Variants in FMN2 observed in about 807,000 individuals in gnomAD.
FMN2 encodes the protein formin-2.
FMN2 carries 51 observed loss-of-function variants against 142.3 expected under a neutral mutation model. The observed-to-expected ratio is 0.36, with a 90% confidence interval of 0.29 to 0.45. The LOEUF is 0.45. FMN2 is among the 20% of genes least tolerant of loss of function. The pLI is 1.00. For synonymous variants in FMN2, 882 were observed against 869.8 expected, an observed-to-expected ratio of 1.01 and a Z score of -0.25; for missense variants, 1,936 against 2,122.8, an observed-to-expected ratio of 0.91 and a Z score of 1.73.
chr1:240,156,820 G>C (rs1664044212), intron 2 of FMN2, among the ~76,000 whole-genome samples: 1 of 152,070 alleles, frequency 6.6e-6, no homozygotes, highest in South Asian at 2.1e-4. Context: ...TGAGGAAGTG[G>C]GATATGTTAG....
At chr1:240,313,196 G>A (rs1331748021) in intron 8 of FMN2, among the ~76,000 whole-genome samples, 1 of 152,212 alleles carries the variant, frequency 6.6e-6, no homozygotes, top group Non-Finnish European at 1.5e-5. Context: ...TGTTAGAGCA[G>A]GCCATTAGTT....
At chr1:240,315,853 T>C (rs1243780330) in intron 8 of FMN2, among the ~76,000 whole-genome samples, 1 of 152,178 alleles carries the variant, frequency 6.6e-6, no homozygotes, top group Non-Finnish European at 1.5e-5. Context: ...CCATAAACTC[T>C]TGAATGTGGA....
At chr1:240,225,505 T>C (rs1191411590) in intron 6 of FMN2, among the ~76,000 whole-genome samples, 1 of 152,166 alleles carries the variant, frequency 6.6e-6, no homozygotes, top group Non-Finnish European at 1.5e-5. Context: ...CAGAAACAGA[T>C]TTCACTGAAT....
chr1:240,419,391 T>A (rs1572288432), intron 15 of FMN2, among the ~76,000 whole-genome samples: 2 of 152,038 alleles, frequency 1.3e-5, no homozygotes, highest in South Asian at 4.1e-4. Flanking sequence ...AATTTTACTT[T>A]CAACCTTTCT....
chr1:240,285,900 C>A (rs1357205623), intron 7 of FMN2, among the ~76,000 whole-genome samples: 2 of 150,864 alleles, frequency 1.3e-5, no homozygotes, highest in Non-Finnish European at 3.0e-5. Flanking sequence ...ATTTTTTTTT[C>A]CTTTTTTTCC....
intron 8 of FMN2, among the ~76,000 whole-genome samples, chr1:240,312,887 T>C (rs779311347): frequency 5.9e-5 from 9 of 152,184 alleles, no homozygotes; most frequent in Non-Finnish European, 1.2e-4. Flanking sequence ...TCCACACTTA[T>C]CAATTTGCAC....
At chr1:240,329,691 T>C (rs1005019264) in intron 10 of FMN2, among the ~76,000 whole-genome samples, 3 of 152,290 alleles carry the variant, frequency 2.0e-5, no homozygotes, top group Non-Finnish European at 4.4e-5. Context: ...ATGTGGCCAA[T>C]ACATGTTGGC....
At chr1:240,363,425 C>T (rs1268600637) in intron 14 of FMN2, among the ~76,000 whole-genome samples, 3 of 152,156 alleles carry the variant, frequency 2.0e-5, no homozygotes, top group Non-Finnish European at 4.4e-5. Flanking sequence ...TTTAAATTTC[C>T]CTTTTGGAGA....
chr1:240,262,045 T>C (rs1293180745), intron 7 of FMN2, among the ~76,000 whole-genome samples: 1 of 152,150 alleles, frequency 6.6e-6, no homozygotes, highest in Non-Finnish European at 1.5e-5. Context: ...GTTTGTCCAC[T>C]GAATGGGTTG....
At chr1:240,140,031 A>AGCT in intron 2 of FMN2, among the ~76,000 whole-genome samples, 1 of 152,068 alleles carries the variant, frequency 6.6e-6, no homozygotes, top group East Asian at 1.9e-4. Flanking sequence ...TCAGTTGGTA[A>AGCT]GCTGCTGGAG....
chr1:240,309,429 C>T (rs72766252), intron 8 of FMN2, among the ~76,000 whole-genome samples: 21,830 of 152,012 alleles, frequency 0.14, 2,035 homozygotes, highest in African/African-American at 0.26. Context: ...GTAGGGAGGG[C>T]CCAGGAAACA....
At chr1:240,158,630 C>T (rs1212772047) in intron 2 of FMN2, among the ~76,000 whole-genome samples, 1 of 152,070 alleles carries the variant, frequency 6.6e-6, no homozygotes, top group African/African-American at 2.4e-5. Flanking sequence ...GATCCATCTC[C>T]CAATAAGCTC....
At chr1:240,209,720 C>A (rs907183820) in intron 5 of FMN2, among the ~76,000 whole-genome samples, 3 of 150,438 alleles carry the variant, frequency 2.0e-5, no homozygotes, top group African/African-American at 4.9e-5. Flanking sequence ...CTGGCTAACA[C>A]GGTGAAACCT....
rs929922740 is a variant in FMN2 at position 240,328,297 on chromosome 1, CT to C, written c.4216-772del. On this transcript the variant is annotated intron_variant, in intron 8 of 17. Coordinates refer to ENST00000319653, the MANE Select transcript of FMN2 (RefSeq NM_020066.5). ...AATGATTTCCATAGTTAAATAAATA[CT>C]TTTTTTCTTTAAAAATGTTATGAAA... 2.5e-4 allele frequency among the ~76,000 whole-genome samples: 37 copies of C among 150,990 alleles called. No homozygotes were observed. The Middle Eastern group carries it at 0.021, about 87-fold the overall frequency.
intron 14 of FMN2, among the ~76,000 whole-genome samples, chr1:240,359,207 T>C (rs376381519): frequency 2.0e-5 from 3 of 152,150 alleles, no homozygotes; most frequent in African/African-American, 7.2e-5. Context: ...CAGGACATGA[T>C]TCTAAAATTA....
At chr1:240,157,863 G>C (rs552246094) in intron 2 of FMN2, among the ~76,000 whole-genome samples, 1 of 151,490 alleles carries the variant, frequency 6.6e-6, no homozygotes, top group Admixed American at 6.6e-5. Context: ...AGGGCCAGAC[G>C]TGGTGGCTCA....
chr1:240,468,204 A>ATGTGTGTGTG (rs1379393586), intron 16 of FMN2, among the ~76,000 whole-genome samples: 23 of 90,514 alleles, frequency 2.5e-4, no homozygotes, highest in African/African-American at 1.4e-3. Context: ...AAATATATAT[A>ATGTGTGTGTG]TATGTGTGTG....
In FMN2 at chr1:240,458,268, C is replaced by A. The variant is rs559995273; in HGVS notation, c.5061-14104C>A. 2.6e-5 allele frequency: 4 copies of A among 152,262 alleles called. No homozygotes were observed. In the East Asian group the frequency reaches 7.7e-4, roughly 29 times the overall value. The allele number at this position is 152,262 out of a possible 1,614,324, so 9.4% of individuals were successfully genotyped here. A position where few individuals can be genotyped will look rare whatever the true frequency, so the allele number is the denominator to read the frequency against. ...TCTTAATATGTGTGTTTCGTTGATTCATTCCTGACTTGTATCTCCCACATC... is the reference window on the plus strand; with the variant it reads ...TCTTAATATGTGTGTTTCGTTGATTAATTCCTGACTTGTATCTCCCACATC... On this transcript the variant is annotated intron_variant, in intron 16 of 17. Coordinates refer to ENST00000319653, the MANE Select transcript of FMN2 (RefSeq NM_020066.5).
chr1:240,355,719 T>G, intron 13 of FMN2, 97 bp from the exon 14 acceptor site: 1 of 760,476 alleles, frequency 1.3e-6, no homozygotes, highest in Non-Finnish European at 2.2e-6. Context: ...TTAGGGGAGT[T>G]AACAGAATTT....
Sources: gnomAD v4.1 joint callset for allele counts (sites outside exome capture counted in the v4.1 genomes callset) on GRCh38, gnomAD v4.1.1 for gene constraint, MANE v1.5 for transcripts, NCBI Gene and HGNC (gene_info 2026-07-23, HGNC 2026-07-21) for gene names.